Variants in COL14A1 observed in about 807,000 individuals in gnomAD.
COL14A1 encodes collagen type XIV alpha 1 chain.
Under a neutral mutation model 230.3 loss-of-function variants are expected in COL14A1, and 136 were observed. The observed-to-expected ratio is 0.59, with a 90% CI of 0.51 to 0.68. COL14A1 has a LOEUF of 0.68. Ranked by LOEUF, COL14A1 falls within the 30% of genes least tolerant of loss-of-function variation. COL14A1 has a pLI of 0.00. For synonymous variants in COL14A1, 792 were observed against 784.1 expected (o/e 1.01, Z -0.17); for missense variants, 1,976 against 2,215.8 (o/e 0.89, Z 2.17).
Position 120,313,955 on chromosome 8 carries a change from A to G in COL14A1, c.4479A>G (p.Glu1493=). The part of the protein sequence containing the change: ...GPKGPDGPRG[E]IGLPGPQGPP... ...AGGGACCAGATGGCCCTCGGGGTGA[A>G]ATTGGTCTGCCAGGACCTCAGGGTC... is the stretch of plus-strand genomic sequence containing the variant. The change falls in exon 38 of 48, where the codon GAA becomes GAG. Residue 1493 remains glutamate, a synonymous_variant. Transcript: ENST00000297848. The G allele has an allele frequency of 6.2e-7, 1 of 1,612,384 alleles. No homozygotes were observed. The highest frequency in any genetic ancestry group is 1.3e-5 in the African/African-American group (1 of 74,964).
intron 24 of COL14A1, 38 bp downstream of exon 24, chr8:120,263,052 T>G: frequency 1.3e-6 from 2 of 1,527,888 alleles, no homozygotes; most frequent in Non-Finnish European, 1.8e-6. Context: ...CCTCTCCCCA[T>G]GAACAAACAG....
intron 9 of COL14A1, among the ~76,000 whole-genome samples, chr8:120,205,582 T>A (rs1342821840): frequency 6.6e-6 from 1 of 152,192 alleles, no homozygotes; most frequent in Non-Finnish European, 1.5e-5. Context: ...GCCTCTGTTG[T>A]AACCAGTGTG....
chr8:120,220,192 G>T (rs963653303), intron 14 of COL14A1, among the ~76,000 whole-genome samples: 2 of 151,410 alleles, frequency 1.3e-5, no homozygotes, highest in African/African-American at 2.4e-5. Flanking sequence ...CAACAATTGG[G>T]TTTTTAAGAA....
In COL14A1 at chr8:120,372,832, G is replaced by A. The variant is rs1046531942; in HGVS notation, c.*1601G>A. Among the ~76,000 whole-genome samples the A allele has an allele frequency of 6.6e-6, 1 of 151,902 alleles. No individual in the cohort carries two copies. Among genetic ancestry groups the A allele is most frequent in the African/African-American group, 2.4e-5 (1 of 41,336 alleles). On this transcript the variant is annotated 3_prime_UTR_variant, in exon 48 of 48. Coordinates refer to ENST00000297848, the MANE Select transcript of COL14A1 (RefSeq NM_021110.4). ...GCCTTTGGTGGGGTGGGGCAGGGGC[G>A]GGGGGCGGTTCTAAACAAATCAGTT... is the stretch of plus-strand genomic sequence containing the variant.
At chr8:120,308,700 A>C (rs546744686) in intron 36 of COL14A1, among the ~76,000 whole-genome samples, 1 of 152,356 alleles carries the variant, frequency 6.6e-6, no homozygotes, top group African/African-American at 2.4e-5. Context: ...GTGTTTTCTT[A>C]AGTGATACAG....
chr8:120,155,180 T>G (rs1037454143), intron 2 of COL14A1, among the ~76,000 whole-genome samples: 1 of 152,216 alleles, frequency 6.6e-6, no homozygotes, highest in Non-Finnish European at 1.5e-5. Flanking sequence ...ATAATGATAT[T>G]GTTTTTGGCT....
intron 20 of COL14A1, among the ~76,000 whole-genome samples, chr8:120,245,525 A>T (rs1818734767): frequency 6.6e-6 from 1 of 152,222 alleles, no homozygotes; most frequent in African/African-American, 2.4e-5. Flanking sequence ...ATTCTTGCAT[A>T]AAGACTGCTC....
At chr8:120,329,050 T>C (rs1252707483) in intron 40 of COL14A1, among the ~76,000 whole-genome samples, 1 of 152,192 alleles carries the variant, frequency 6.6e-6, no homozygotes, top group Non-Finnish European at 1.5e-5. Flanking sequence ...TTTTTGGAAA[T>C]GTCTTCTTAA....
At position 120,216,424 on chromosome 8, in the gene COL14A1, A is replaced by G. The variant is rs760311720; in HGVS notation, c.1671A>G (p.Pro557=). Residue 557 remains proline (P), a synonymous_variant, in exon 14 of 48, where the codon CCA becomes CCG. Coordinates refer to ENST00000297848, the MANE Select transcript of COL14A1 (RefSeq NM_021110.4). The part of the protein sequence containing the change: ...GSNSARLTWD[P]TSRQINGYRI... Reference sequence around the variant, plus strand: ...ACAGTGCTCGATTAACCTGGGACCCAACTTCAAGACAGATCAATGGTTATC... The same window carrying G: ...ACAGTGCTCGATTAACCTGGGACCCGACTTCAAGACAGATCAATGGTTATC... 2 of 1,613,956 alleles carry G rather than the reference A, an allele frequency of 1.2e-6. No individual in the cohort carries two copies. The highest frequency in any genetic ancestry group is 1.7e-6 in the Non-Finnish European group (2 of 1,179,876).
intron 13 of COL14A1, among the ~76,000 whole-genome samples, chr8:120,212,895 G>T (rs1486563363): frequency 6.6e-6 from 1 of 152,014 alleles, no homozygotes; most frequent in East Asian, 1.9e-4. Flanking sequence ...GGGAATCTCA[G>T]CTCAACTCAT....
At chr8:120,141,667 T>G (rs1814916283) in intron 1 of COL14A1, among the ~76,000 whole-genome samples, 1 of 152,204 alleles carries the variant, frequency 6.6e-6, no homozygotes, top group Admixed American at 6.5e-5. Context: ...ATAGCATTTA[T>G]TTAGTTAGTT....
chr8:120,161,879 G>A (rs1184927135), intron 3 of COL14A1, among the ~76,000 whole-genome samples: 2 of 152,150 alleles, frequency 1.3e-5, no homozygotes, highest in South Asian at 2.1e-4. Flanking sequence ...TGGCCAGGCT[G>A]GTTTCAAACC....
chr8:120,145,601 G>C (rs947924094), intron 1 of COL14A1, among the ~76,000 whole-genome samples: 1 of 152,208 alleles, frequency 6.6e-6, no homozygotes, highest in Admixed American at 6.5e-5. Context: ...CTGGGGACAA[G>C]AGTGAGACTC....
At chr8:120,154,864 T>C (rs1815412419) in intron 2 of COL14A1, among the ~76,000 whole-genome samples, 1 of 152,226 alleles carries the variant, frequency 6.6e-6, no homozygotes, top group African/African-American at 2.4e-5. Flanking sequence ...AAAGTTTTGT[T>C]CCATGAGATA....
chr8:120,238,970 G>A (rs7013077), intron 19 of COL14A1, among the ~76,000 whole-genome samples: 75,163 of 151,926 alleles, frequency 0.49, 19,380 homozygotes, highest in African/African-American at 0.63. Flanking sequence ...AGATGAACCC[G>A]GTACCTCAGT....
chr8:120,284,992 T>A (rs1820150018), intron 32 of COL14A1, among the ~76,000 whole-genome samples: 1 of 152,160 alleles, frequency 6.6e-6, no homozygotes, highest in Admixed American at 6.5e-5. Context: ...GGAGTGAGAA[T>A]CTTTTCTCTT....
intron 21 of COL14A1, among the ~76,000 whole-genome samples, chr8:120,249,213 C>T (rs928060020): frequency 4.6e-5 from 7 of 151,828 alleles, no homozygotes; most frequent in South Asian, 2.1e-4. Flanking sequence ...CCACCGCGCC[C>T]GGCCTAGTTT....
At chr8:120,308,169 A>G (rs868571229) in intron 36 of COL14A1, among the ~76,000 whole-genome samples, 1 of 152,164 alleles carries the variant, frequency 6.6e-6, no homozygotes, top group African/African-American at 2.4e-5. Context: ...TTTAATAGAG[A>G]TGGGGTTTCA....
intron 25 of COL14A1, among the ~76,000 whole-genome samples, chr8:120,267,487 A>G (rs899599997): frequency 3.3e-5 from 5 of 151,980 alleles, no homozygotes; most frequent in African/African-American, 1.2e-4. Flanking sequence ...GCCTAGATAA[A>G]TACCAGTCAA....
Sources: allele counts gnomAD v4.1 joint callset (sites outside exome capture counted in the v4.1 genomes callset), GRCh38; gene constraint gnomAD v4.1.1; transcripts MANE v1.5; gene names NCBI Gene and HGNC (gene_info 2026-07-23, HGNC 2026-07-21).